HPSE2: variants seen among roughly 807,000 people sequenced by gnomAD.
HPSE2 encodes inactive heparanase-2.
HPSE2 carries 38 observed loss-of-function variants against 60.5 expected under a neutral mutation model. The ratio of observed to expected loss-of-function variants is 0.63; its 90% CI spans 0.48 to 0.82. HPSE2 has a LOEUF of 0.82. HPSE2 is among the 40% of genes least tolerant of loss of function. The pLI is 0.00. For synonymous variants in HPSE2, 295 were observed against 293.2 expected (o/e 1.01, Z -0.06); for missense variants, 713 against 740.4 (o/e 0.96, Z 0.43).
chr10:98,645,912 T>C (rs1353645816), intron 6 of HPSE2, among the ~76,000 whole-genome samples: 4 of 152,210 alleles, frequency 2.6e-5, no homozygotes, highest in Middle Eastern at 3.4e-3. Context: ...GAGGCGGAGC[T>C]TGCAGTGAGC....
At chr10:98,877,897 A>G (rs1371842146) in intron 3 of HPSE2, among the ~76,000 whole-genome samples, 2 of 151,922 alleles carry the variant, frequency 1.3e-5, no homozygotes, top group Non-Finnish European at 2.9e-5. Flanking sequence ...ACAGAAATAA[A>G]CAAAACAAAG....
intron 9 of HPSE2, among the ~76,000 whole-genome samples, chr10:98,573,528 C>T (rs1471935630): frequency 6.6e-6 from 1 of 152,128 alleles, no homozygotes; most frequent in Admixed American, 6.5e-5. Context: ...GTTTTGTTGT[C>T]CCCCATTCTA....
Position 98,588,502 on chromosome 10 carries a change from C to T in HPSE2, c.1320+26402G>A, listed in dbSNP as rs143575646. On this transcript the variant is annotated intron_variant, in intron 9 of 11. Coordinates refer to ENST00000370552, the MANE Select transcript of HPSE2 (RefSeq NM_021828.5). ...CGAAGTCAGTGCTTCTAGTCTGCCA[C>T]GGCCTTTGCTTTCCTGCAGGAGATC... Among the ~76,000 whole-genome samples the T allele has an allele frequency of 1.8e-4, 27 of 152,190 alleles. No individual in the cohort carries two copies. In the East Asian group the frequency reaches 2.5e-3, roughly 14 times the overall value.
At chr10:98,488,915 C>A (rs187793884) in intron 10 of HPSE2, among the ~76,000 whole-genome samples, 2 of 152,146 alleles carry the variant, frequency 1.3e-5, no homozygotes, top group Admixed American at 6.5e-5. Flanking sequence ...TGGCCCCTGC[C>A]CCCCCTCTCC....
In HPSE2 at chr10:99,126,096, G is replaced by C. The variant is rs745666049; in HGVS notation, c.610+18142C>G. On this transcript the variant is annotated intron_variant, in intron 3 of 11. Transcript: ENST00000370552. This position sits in a 1 kb window ranked among gnomAD's most constrained non-coding sequence, Gnocchi z 4.0. ...TTGCTTTCTCAGCAGGGAAGCTTAC[G>C]ACCTGGTGCAAGGTCTGAGTGAGGC... Among the ~76,000 whole-genome samples, 1 of 152,114 alleles carries C rather than the reference G, an allele frequency of 6.6e-6. No homozygotes were observed. Among genetic ancestry groups the C allele is most frequent in the Non-Finnish European group, 1.5e-5 (1 of 68,014 alleles).
intron 9 of HPSE2, among the ~76,000 whole-genome samples, chr10:98,506,105 T>C (rs1234879497): frequency 6.6e-6 from 1 of 152,202 alleles, no homozygotes; most frequent in Non-Finnish European, 1.5e-5. Flanking sequence ...CTTTTTATGA[T>C]ACTGAGTCTT....
intron 9 of HPSE2, among the ~76,000 whole-genome samples, chr10:98,591,365 A>G (rs1193026740): frequency 6.6e-6 from 1 of 152,178 alleles, no homozygotes; most frequent in Non-Finnish European, 1.5e-5. Context: ...AGAGACATGT[A>G]TAAGATCAGG....
chr10:98,977,996 A>AT (rs1956124550), intron 3 of HPSE2, among the ~76,000 whole-genome samples: 1 of 151,890 alleles, frequency 6.6e-6, no homozygotes, highest in African/African-American at 2.4e-5. Context: ...ATAATGTATT[A>AT]TTATTTCACC....
the HPSE2 span, among the ~76,000 whole-genome samples, chr10:99,275,549 T>C: frequency 6.6e-6 from 1 of 151,258 alleles, no homozygotes; most frequent in Non-Finnish European, 1.5e-5. Context: ...AAGTATTACC[T>C]GCTTTGGTTG....
intron 3 of HPSE2, among the ~76,000 whole-genome samples, chr10:98,876,088 C>T (rs1055064230): frequency 2.6e-5 from 4 of 151,638 alleles, no homozygotes; most frequent in Non-Finnish European, 5.9e-5. Context: ...GGATCAAAGA[C>T]CTAATTCATG....
At chr10:98,867,656 G>T (rs1952623912) in intron 3 of HPSE2, among the ~76,000 whole-genome samples, 1 of 152,154 alleles carries the variant, frequency 6.6e-6, no homozygotes, top group Non-Finnish European at 1.5e-5. Flanking sequence ...ACACCCCAAA[G>T]AAAGAAAATT....
chr10:99,200,082 T>C (rs1848524811), intron 2 of HPSE2, among the ~76,000 whole-genome samples: 1 of 152,296 alleles, frequency 6.6e-6, no homozygotes, highest in Admixed American at 6.5e-5. Context: ...GATAGCTCAA[T>C]GTTAGTGTAA....
intron 11 of HPSE2, among the ~76,000 whole-genome samples, 191 bp from the exon 12 acceptor site, chr10:98,459,930 C>A (rs889642461): frequency 5.1e-4 from 77 of 152,224 alleles, no homozygotes; most frequent in African/African-American, 1.8e-3. Context: ...CCAACAACCC[C>A]CCCACTCCCC....
chr10:98,459,736 T>C lies in HPSE2; in HGVS notation c.1617A>G (p.Ser539=). ...CTAAGGGCTGGCCATTCAGTTGCAC[T>C]GACCTACAGTGAGGAAAAACAGTAT... ...PYGQEGLKSK[S]VQLNGQPLVM... Residue 539 remains serine (S), a synonymous_variant, in exon 12 of 12, where the codon TCA becomes TCG. Coordinates refer to ENST00000370552, the MANE Select transcript of HPSE2 (RefSeq NM_021828.5). 1.2e-6 allele frequency: 2 copies of C among 1,612,928 alleles called. No homozygotes were observed. The highest frequency in any genetic ancestry group is 8.5e-7 in the Non-Finnish European group (1 of 1,179,490).
the HPSE2 span, among the ~76,000 whole-genome samples, chr10:99,290,725 C>T: frequency 2.0e-4 from 30 of 152,248 alleles, no homozygotes; most frequent in African/African-American, 7.2e-4. Context: ...TGGAGAACAA[C>T]AATTTCTCCA....
intron 6 of HPSE2, among the ~76,000 whole-genome samples, chr10:98,643,225 A>C (rs1289928795): frequency 6.6e-6 from 1 of 152,250 alleles, no homozygotes; most frequent in African/African-American, 2.4e-5. Flanking sequence ...CAAGTTACGT[A>C]GTCTCTATGG....
rs192859597 is a variant in HPSE2, at chr10:98,819,525, A to G, written c.611-75469T>C. Among the ~76,000 whole-genome samples the G allele has an allele frequency of 3.4e-3, 510 of 151,582 alleles. 4 individuals carry two copies. The highest frequency in any genetic ancestry group is 4.9e-3 in the Non-Finnish European group (334 of 67,956). On this transcript the variant is annotated intron_variant, in intron 3 of 11. Coordinates refer to ENST00000370552, the MANE Select transcript of HPSE2 (RefSeq NM_021828.5). ...GGCCATTACCTTTTCCCATAAGGGT[A>G]AGATAATTCTTAAAGCTGATTTACA...
chr10:98,793,512 C>A (rs1352812187), intron 3 of HPSE2, among the ~76,000 whole-genome samples: 4 of 152,146 alleles, frequency 2.6e-5, no homozygotes, highest in South Asian at 2.1e-4. Flanking sequence ...TTATGGAAGT[C>A]ATCAGAACAG....
Position 99,232,212 on chromosome 10 carries a change from CAT to C in HPSE2, c.448+134_448+135del, listed in dbSNP as rs1379787537. On this transcript the variant is annotated intron_variant, in intron 2 of 11. Coordinates refer to ENST00000370552, the MANE Select transcript of HPSE2 (RefSeq NM_021828.5). Reference sequence around the variant, plus strand: ...AAATCTGCCCCAACGCGCGCGCGCGCATACACACACACACACACACACACACA... The same window carrying C: ...AAATCTGCCCCAACGCGCGCGCGCGCACACACACACACACACACACACACA... 25 of 780,488 alleles carry C rather than the reference CAT, an allele frequency of 3.2e-5. No individual in the cohort carries two copies. In the Admixed American group the frequency reaches 6.7e-4, roughly 21 times the overall value. 48.3% of individuals were successfully genotyped at this position (780,488 alleles called of 1,614,324 possible).
Sources: gnomAD v4.1 joint callset for allele counts (sites outside exome capture counted in the v4.1 genomes callset) on GRCh38, gnomAD v4.1.1 for gene constraint, Gnocchi (gnomAD v3.1) non-coding constraint, MANE v1.5 for transcripts, NCBI Gene and HGNC (gene_info 2026-07-23, HGNC 2026-07-21) for gene names.